Variants in PTPN14 observed in about 807,000 individuals in gnomAD.
PTPN14 encodes the protein tyrosine-protein phosphatase non-receptor type 14.
In PTPN14, 53 loss-of-function variants were observed where a neutral mutation model predicts 126.8. The observed-to-expected ratio is 0.42, with a 90% confidence interval of 0.34 to 0.53. PTPN14 has a LOEUF of 0.53. Among genes scored for constraint, PTPN14 ranks in the 20% least tolerant of loss-of-function variants. The probability of loss-of-function intolerance (pLI) is 0.08; values close to 1 mark genes in which losing one functional copy is unlikely to be tolerated. For synonymous variants in PTPN14, 630 were observed against 599.3 expected (o/e 1.05, Z -0.75); for missense variants, 1,257 against 1,552.9 (o/e 0.81, Z 3.20).
intron 17 of PTPN14, among the ~76,000 whole-genome samples, chr1:214,367,812 C>T (rs1340331984): frequency 3.9e-5 from 6 of 152,182 alleles, no homozygotes; most frequent in Non-Finnish European, 8.8e-5. Flanking sequence ...TGATGACTGG[C>T]CTGTCTTTCC....
At chr1:214,477,383 C>G (rs1185106772) in intron 1 of PTPN14, among the ~76,000 whole-genome samples, 2 of 152,174 alleles carry the variant, frequency 1.3e-5, no homozygotes, top group Non-Finnish European at 2.9e-5. Context: ...ACCACAAACC[C>G]ATTACAATTG....
intron 3 of PTPN14, among the ~76,000 whole-genome samples, chr1:214,445,672 T>C (rs548625272): frequency 3.2e-4 from 49 of 152,298 alleles, no homozygotes; most frequent in African/African-American, 1.1e-3. Context: ...GTTTTCTCTT[T>C]AGTATTGAAG....
At chr1:214,388,073 C>A (rs1366718264) in intron 11 of PTPN14, among the ~76,000 whole-genome samples, 1 of 151,768 alleles carries the variant, frequency 6.6e-6, no homozygotes, top group African/African-American at 2.4e-5. Flanking sequence ...CTTCATGCTG[C>A]GGAAGAGGGA....
At chr1:214,464,180 G>C (rs1660572964) in intron 2 of PTPN14, among the ~76,000 whole-genome samples, 1 of 39,978 alleles carries the variant, frequency 2.5e-5, no homozygotes, top group Non-Finnish European at 4.3e-5. Context: ...TATTCGGTGG[G>C]GTTTTTTTTT....
chr1:214,530,558 T>G (rs896035640), intron 1 of PTPN14: 2 of 152,048 alleles, frequency 1.3e-5, no homozygotes, highest in Admixed American at 1.3e-4. Flanking sequence ...CCCAGGCTGG[T>G]CTCGAACTCC....
chr1:214,507,758 C>G (rs1298756647), intron 1 of PTPN14, among the ~76,000 whole-genome samples: 1 of 152,164 alleles, frequency 6.6e-6, no homozygotes, highest in African/African-American at 2.4e-5. Flanking sequence ...TTTCCCAGTG[C>G]ATATAAAAGT....
At chr1:214,434,180 T>C (rs1221704339) in intron 3 of PTPN14, among the ~76,000 whole-genome samples, 6 of 152,056 alleles carry the variant, frequency 3.9e-5, no homozygotes, top group African/African-American at 7.2e-5. Flanking sequence ...AATTGAGCTG[T>C]ATTGCACAGC....
At chr1:214,502,677 T>G (rs1654736196) in intron 1 of PTPN14, among the ~76,000 whole-genome samples, 1 of 152,134 alleles carries the variant, frequency 6.6e-6, no homozygotes, top group Non-Finnish European at 1.5e-5. Flanking sequence ...AGTTTTAGCA[T>G]TTAAACGTTA....
At chr1:214,370,276 A>G (rs1658186454) in intron 16 of PTPN14, among the ~76,000 whole-genome samples, 1 of 135,196 alleles carries the variant, frequency 7.4e-6, no homozygotes. Flanking sequence ...GGGAGATTCC[A>G]TCTCAAAAAA....
Position 214,376,326 on chromosome 1 carries a change from C to A in PTPN14, c.2800G>T (p.Ala934Ser), listed in dbSNP as rs746558501. ...ACTTCACGGATTCGGCTGCGCTCGG[C>A]GTTTTCTGGCAGAGCTGCTGTGCTG... ...IFSTAALPEN[A>S]ERSRIREVVP... The change falls in exon 15 of 19, where the codon GCC becomes TCC. Residue 934 changes from alanine to serine, a missense_variant. By Grantham distance (99) the Ala-to-Ser change is moderately conservative. Coordinates refer to ENST00000366956, the MANE Select transcript of PTPN14 (RefSeq NM_005401.5). 1.2e-6 allele frequency: 2 copies of A among 1,614,168 alleles called. No homozygotes were observed. The highest frequency in any genetic ancestry group is 1.7e-6 in the Non-Finnish European group (2 of 1,180,024).
At chr1:214,378,814 C>T (rs1658406161) in intron 13 of PTPN14, among the ~76,000 whole-genome samples, 1 of 152,158 alleles carries the variant, frequency 6.6e-6, no homozygotes, top group African/African-American at 2.4e-5. Context: ...CGGTGCCTCC[C>T]AACACAAATG....
chr1:214,401,641 C>T (rs371114468), intron 7 of PTPN14, 44 bp downstream of exon 7: 110 of 1,444,404 alleles, frequency 7.6e-5, no homozygotes, highest in Non-Finnish European at 9.7e-5. Context: ...AATGCCAGTA[C>T]CGGTCTGAGA....
At chr1:214,524,628 G>T (rs970214638) in intron 1 of PTPN14, among the ~76,000 whole-genome samples, 3 of 152,052 alleles carry the variant, frequency 2.0e-5, no homozygotes, top group Non-Finnish European at 4.4e-5. Context: ...TTCCAGCCTG[G>T]ACAACAAAGA....
At chr1:214,471,618 G>A (rs896983479) in intron 1 of PTPN14, among the ~76,000 whole-genome samples, 2 of 152,134 alleles carry the variant, frequency 1.3e-5, no homozygotes, top group Non-Finnish European at 2.9e-5. Flanking sequence ...TCTTTTAAAA[G>A]GTTAAAAATG....
intron 1 of PTPN14, among the ~76,000 whole-genome samples, chr1:214,476,276 A>G (rs1398574471): frequency 6.6e-6 from 1 of 152,186 alleles, no homozygotes; most frequent in Admixed American, 6.5e-5. Context: ...ACAATCACAA[A>G]AGCAAATGGA....
intron 7 of PTPN14, among the ~76,000 whole-genome samples, chr1:214,398,565 G>C (rs1361027662): frequency 1.3e-5 from 2 of 148,980 alleles, no homozygotes; most frequent in African/African-American, 5.0e-5. Flanking sequence ...TCCTACCTTA[G>C]TCTCCCAAGT....
At chr1:214,429,881 T>C (rs1465229888) in intron 3 of PTPN14, among the ~76,000 whole-genome samples, 1 of 152,234 alleles carries the variant, frequency 6.6e-6, no homozygotes, top group Non-Finnish European at 1.5e-5. Flanking sequence ...AAGGAATTTA[T>C]TTTATAATGA....
At chr1:214,423,128 G>T in intron 3 of PTPN14, among the ~76,000 whole-genome samples, 1 of 151,978 alleles carries the variant, frequency 6.6e-6, no homozygotes, top group African/African-American at 2.4e-5. Flanking sequence ...AACAAAAAAG[G>T]AAAGGGAAGA....
At chr1:214,371,209 CT>C (rs1261042133) in intron 16 of PTPN14, among the ~76,000 whole-genome samples, 4 of 152,182 alleles carry the variant, frequency 2.6e-5, no homozygotes, top group South Asian at 2.1e-4. Context: ...GGCCACCCCC[CT>C]GATCTAAAGT....
Sources: allele counts gnomAD v4.1 joint callset (sites outside exome capture counted in the v4.1 genomes callset), GRCh38; gene constraint gnomAD v4.1.1; transcripts MANE v1.5; gene names NCBI Gene and HGNC (gene_info 2026-07-23, HGNC 2026-07-21).